MYO1H: variants seen among roughly 807,000 people sequenced by gnomAD.
MYO1H encodes myosin IH.
In MYO1H, 118 loss-of-function variants were observed where a neutral mutation model predicts 149.3. The observed-to-expected ratio is 0.79, with a 90% CI of 0.68 to 0.92. The LOEUF (loss-of-function observed/expected upper bound fraction) is 0.92, where lower values mean the gene tolerates loss of function less well. MYO1H is among the 40% of genes least tolerant of loss of function. The pLI, the probability that MYO1H is intolerant of heterozygous loss-of-function variation, is 0.00. For missense variants in MYO1H, 1,212 were observed against 1,280.7 expected (o/e 0.95, Z 0.82); for synonymous variants, 447 against 465.2 (o/e 0.96, Z 0.50).
intron 1 of MYO1H, among the ~76,000 whole-genome samples, chr12:109,369,250 G>T (rs1868932630): frequency 6.6e-6 from 1 of 152,076 alleles, no homozygotes; most frequent in Non-Finnish European, 1.5e-5. Flanking sequence ...ACGATGCCTG[G>T]CTCATTCTTT....
At chr12:109,319,907 A>C in the MYO1H span, among the ~76,000 whole-genome samples, 2 of 152,204 alleles carry the variant, frequency 1.3e-5, no homozygotes, top group African/African-American at 4.8e-5. Context: ...CTGGAGAGGA[A>C]ACAGAACAGA....
intron 6 of MYO1H, among the ~76,000 whole-genome samples, chr12:109,402,452 C>G (rs1870206318): frequency 6.6e-6 from 1 of 152,008 alleles, no homozygotes; most frequent in African/African-American, 2.4e-5. Context: ...AGAAAAGAAG[C>G]CTTGACAAAA....
At chr12:109,347,661 G>C (rs559447962), upstream of MYO1H, among the ~76,000 whole-genome samples, 9 of 151,596 alleles carry the variant, frequency 5.9e-5, no homozygotes, top group Non-Finnish European at 1.3e-4. Flanking sequence ...GTCAGTGACT[G>C]GTCAGGAACA....
At chr12:109,312,785 GTTTTGTTT>G in the MYO1H span, among the ~76,000 whole-genome samples, 1 of 101,232 alleles carries the variant, frequency 9.9e-6, no homozygotes, top group East Asian at 2.4e-4. Flanking sequence ...TTTTTGTTTT[GTTTTGTTT>G]TTTTTTTTTT....
chr12:109,319,411 G>A, the MYO1H span, among the ~76,000 whole-genome samples: 1 of 152,174 alleles, frequency 6.6e-6, no homozygotes, highest in East Asian at 1.9e-4. Flanking sequence ...AGTTGTCAGG[G>A]GGCTGGGGGA....
the MYO1H span, among the ~76,000 whole-genome samples, chr12:109,322,317 A>G: frequency 6.6e-6 from 1 of 152,202 alleles, no homozygotes; most frequent in African/African-American, 2.4e-5. Flanking sequence ...TTCAGAGACA[A>G]AGAACGAAGG....
chr12:109,348,974 C>G lies in MYO1H; in HGVS notation c.12+1002C>G, dbSNP rs564586348. ...GCACTGAATACTGTCACCTTGGCAA[C>G]TGGTAACTCAAAATGGCACTGTCCT... On this transcript the variant is annotated intron_variant, in intron 1 of 31. Transcript: ENST00000310903. Among the ~76,000 whole-genome samples, 4 of 152,338 alleles carry G rather than the reference C, an allele frequency of 2.6e-5. No homozygotes were observed. In the East Asian group the frequency reaches 7.7e-4, roughly 29 times the overall value.
chr12:109,314,643 C>G, the MYO1H span, among the ~76,000 whole-genome samples: 2 of 152,108 alleles, frequency 1.3e-5, no homozygotes, highest in Non-Finnish European at 2.9e-5. Flanking sequence ...ATCCTCACTT[C>G]CCCATCTCTC....
chr12:109,318,966 G>GTTT, the MYO1H span, among the ~76,000 whole-genome samples: 15,187 of 56,728 alleles, frequency 0.27, 1,531 homozygotes, highest in Admixed American at 0.3. Flanking sequence ...CTGCGTTTTT[G>GTTT]GTTTTGTTTT....
At chr12:109,394,747 T>C (rs1331864856) in intron 3 of MYO1H, among the ~76,000 whole-genome samples, 1 of 152,174 alleles carries the variant, frequency 6.6e-6, no homozygotes, top group Non-Finnish European at 1.5e-5. Flanking sequence ...AAGTCACTTA[T>C]AAGCCTTTCT....
chr12:109,445,831 C>T (rs1286313215), intron 31 of MYO1H: 22 of 985,232 alleles, frequency 2.2e-5, no homozygotes, highest in Non-Finnish European at 2.7e-5. Context: ...GCTTAACCAT[C>T]CTTGTCAGTG....
intron 1 of MYO1H, among the ~76,000 whole-genome samples, chr12:109,377,445 C>T (rs1365675587): frequency 6.6e-6 from 1 of 152,130 alleles, no homozygotes; most frequent in African/African-American, 2.4e-5. Context: ...AGAGTGAAAA[C>T]TCACTCACCC....
chr12:109,416,379 G>GTTTTT (rs397968119), intron 15 of MYO1H, among the ~76,000 whole-genome samples: 2 of 143,130 alleles, frequency 1.4e-5, no homozygotes, highest in African/African-American at 5.2e-5. Flanking sequence ...GTTGTTGTTG[G>GTTTTT]TTTTTTTTTT....
chr12:109,442,365 A>G, intron 27 of MYO1H, 93 bp downstream of exon 27: 1 of 1,085,552 alleles, frequency 9.2e-7, no homozygotes, highest in Non-Finnish European at 1.4e-6. Context: ...CACTATTTAA[A>G]TGCAGGGGTG....
exon 25 of MYO1H, chr12:109,440,796 G>C (rs1423143632): frequency 6.4e-6 from 10 of 1,565,850 alleles, no homozygotes; most frequent in Non-Finnish European, 8.7e-6. Flanking sequence ...CAGAAGTACT[G>C]CCGCGGGATC....
chr12:109,321,015 G>C, the MYO1H span, among the ~76,000 whole-genome samples: 1 of 151,916 alleles, frequency 6.6e-6, no homozygotes, highest in Non-Finnish European at 1.5e-5. Context: ...TTGAACCCAG[G>C]AGGCAGAGGT....
Position 109,409,961 on chromosome 12 carries a change from A to G in MYO1H, c.1224-2A>G, listed in dbSNP as rs1228429492. 3 of 1,471,730 alleles carry G rather than the reference A, an allele frequency of 2.0e-6. No individual in the cohort carries two copies. The highest frequency in any genetic ancestry group is 2.7e-6 in the Non-Finnish European group (3 of 1,099,302). 91.2% of individuals were successfully genotyped at this position (1,471,730 alleles called of 1,614,324 possible). A position where few individuals can be genotyped will look rare whatever the true frequency, so the allele number is the denominator to read the frequency against. On this transcript the variant is annotated splice_acceptor_variant, in intron 11 of 31. Transcript: ENST00000310903. LOFTEE classifies it high-confidence loss of function. The stretch of plus-strand genomic sequence containing the variant: ...AGTTACTTAAATCTTTTGTATCTCT[A>G]GTTTTGAACAGTTCTGTATAAATTA...
chr12:109,347,444 T>G (rs1685229918), upstream of MYO1H, among the ~76,000 whole-genome samples: 1 of 152,178 alleles, frequency 6.6e-6, no homozygotes, highest in African/African-American at 2.4e-5. Flanking sequence ...CTCCGTATTA[T>G]GAAACCTTGA....
At chr12:109,310,678 C>T in the MYO1H span, among the ~76,000 whole-genome samples, 1 of 152,084 alleles carries the variant, frequency 6.6e-6, no homozygotes, top group African/African-American at 2.4e-5. Context: ...ACTGGGTGTG[C>T]CTGGATTTCA....
Sources: allele counts gnomAD v4.1 joint callset (sites outside exome capture counted in the v4.1 genomes callset), GRCh38; gene constraint gnomAD v4.1.1; transcripts MANE v1.5; gene names NCBI Gene and HGNC (gene_info 2026-07-23, HGNC 2026-07-21).